Variants in CFAP54 observed in about 807,000 individuals in gnomAD.
CFAP54 encodes the protein cilia and flagella associated protein 54.
CFAP54 carries 290 observed loss-of-function variants against 370.4 expected under a neutral mutation model. The ratio of observed to expected loss-of-function variants is 0.78; its 90% CI spans 0.71 to 0.86. The LOEUF is 0.86. CFAP54 is among the 40% of genes least tolerant of loss of function. The pLI is 0.00. For synonymous variants in CFAP54, 1,206 were observed against 1,236.5 expected, an observed-to-expected ratio of 0.98 and a Z score of 0.52; for missense variants, 3,399 against 3,528.7, an observed-to-expected ratio of 0.96 and a Z score of 0.93.
chr12:96,873,222 T>G (rs1414017789), intron 67 of CFAP54, among the ~76,000 whole-genome samples: 1 of 152,110 alleles, frequency 6.6e-6, no homozygotes, highest in African/African-American at 2.4e-5. Context: ...ATGGGAATAG[T>G]TTTAGACTTT....
intron 26 of CFAP54, among the ~76,000 whole-genome samples, chr12:96,615,780 C>T (rs1399328725): frequency 3.9e-5 from 6 of 152,168 alleles, no homozygotes; most frequent in South Asian, 4.1e-4. Flanking sequence ...CATCACTGGC[C>T]ATCAGAGAAA....
chr12:96,656,410 T>A (rs1956923893), intron 36 of CFAP54, among the ~76,000 whole-genome samples: 1 of 151,674 alleles, frequency 6.6e-6, no homozygotes, highest in Admixed American at 6.6e-5. Context: ...GGAGTTTTGC[T>A]CTTGTTGCCC....
intron 5 of CFAP54, among the ~76,000 whole-genome samples, chr12:96,513,718 G>A (rs1286519887): frequency 6.6e-6 from 1 of 152,068 alleles, no homozygotes; most frequent in African/African-American, 2.4e-5. Context: ...ACTCTAGCCT[G>A]GGTGACAGAG....
At chr12:96,691,094 T>C in intron 43 of CFAP54, 34 bp from the exon 44 acceptor site, 4 of 1,588,958 alleles carry the variant, frequency 2.5e-6, no homozygotes, top group Non-Finnish European at 1.7e-6. Flanking sequence ...ATGCTATCTA[T>C]AGCTCTTTAT....
intron 34 of CFAP54, 121 bp from the exon 35 acceptor site, chr12:96,649,770 T>C: frequency 1.6e-6 from 1 of 620,432 alleles, no homozygotes; most frequent in Non-Finnish European, 2.6e-6. Context: ...GTCTTGTCCT[T>C]TCTCCAAGTT....
At chr12:96,789,476 T>C (rs979563308) in intron 62 of CFAP54, among the ~76,000 whole-genome samples, 2 of 152,210 alleles carry the variant, frequency 1.3e-5, no homozygotes, top group Non-Finnish European at 2.9e-5. Flanking sequence ...TCAGGCATTT[T>C]GGAGTAGGGG....
intron 60 of CFAP54, among the ~76,000 whole-genome samples, chr12:96,772,913 T>A (rs1441447073): frequency 6.6e-6 from 1 of 152,076 alleles, no homozygotes; most frequent in Non-Finnish European, 1.5e-5. Flanking sequence ...CCTGGACTGG[T>A]CTGCAATCTT....
intron 63 of CFAP54, among the ~76,000 whole-genome samples, chr12:96,809,826 G>A (rs1398890451): frequency 1.3e-5 from 2 of 152,156 alleles, no homozygotes; most frequent in Admixed American, 6.6e-5. Context: ...TGACATATCA[G>A]TTTCCCCAAA....
intron 26 of CFAP54, among the ~76,000 whole-genome samples, chr12:96,599,315 A>G (rs939563435): frequency 5.3e-5 from 8 of 152,112 alleles, no homozygotes; most frequent in African/African-American, 1.9e-4. Flanking sequence ...AGCTTCATCC[A>G]TGTCCCTGCA....
intron 20 of CFAP54, among the ~76,000 whole-genome samples, chr12:96,579,307 G>A (rs1956009316): frequency 6.6e-6 from 1 of 151,820 alleles, no homozygotes; most frequent in South Asian, 2.1e-4. Context: ...CCTGAGAAAT[G>A]TTCTTTGGAA....
intron 4 of CFAP54, among the ~76,000 whole-genome samples, chr12:96,508,470 C>G (rs1331886664): frequency 6.6e-6 from 1 of 151,496 alleles, no homozygotes; most frequent in Non-Finnish European, 1.5e-5. Flanking sequence ...ATTTTTAGTA[C>G]AGACGGGTTT....
intron 58 of CFAP54, among the ~76,000 whole-genome samples, chr12:96,762,219 T>C (rs1958347360): frequency 6.6e-6 from 1 of 152,232 alleles, no homozygotes; most frequent in African/African-American, 2.4e-5. Context: ...ATCGCTAGTA[T>C]ATAAAAATAC....
At chr12:96,806,893 G>A in intron 63 of CFAP54, among the ~76,000 whole-genome samples, 1 of 152,136 alleles carries the variant, frequency 6.6e-6, no homozygotes. Flanking sequence ...CTGAGAACCA[G>A]CAGCACTAGC....
chr12:96,608,821 A>G (rs1211733262), intron 26 of CFAP54, among the ~76,000 whole-genome samples: 1 of 152,198 alleles, frequency 6.6e-6, no homozygotes, highest in Non-Finnish European at 1.5e-5. Context: ...AATAAGAGAG[A>G]GAAAACAGGA....
At chr12:96,648,118 C>T in intron 34 of CFAP54, 101 bp downstream of exon 34, 3 of 822,084 alleles carry the variant, frequency 3.6e-6, no homozygotes, top group Non-Finnish European at 5.0e-6. Flanking sequence ...ATGTATACAC[C>T]CAGTTTTCCA....
In CFAP54 at chr12:96,685,084, G is replaced by A. The variant is rs764319587; in HGVS notation, c.5860G>A (p.Val1954Met). Residue 1954 changes from valine (V) to methionine (M), a missense_variant, in exon 42 of 68, where the codon GTG becomes ATG. Physicochemically the swap from Val to Met is conservative, Grantham distance 21 (BLOSUM62 1). Transcript: ENST00000524981. ...TGATGACATATTCAGAAAACCAGAC[G>A]TGCTACACACGTGGAAAGAATTTGG... is the stretch of plus-strand genomic sequence containing the variant. The part of the protein sequence containing the change: ...ALDDIFRKPD[V>M]LHTWKEFGPS... 1.7e-5 allele frequency: 27 copies of A among 1,613,962 alleles called. No homozygotes were observed. Among genetic ancestry groups the A allele is most frequent in the African/African-American group, 2.7e-5 (2 of 74,916 alleles).
chr12:96,658,532 G>A (rs1291783851), intron 38 of CFAP54, among the ~76,000 whole-genome samples, 186 bp downstream of exon 38: 1 of 152,146 alleles, frequency 6.6e-6, no homozygotes, highest in Non-Finnish European at 1.5e-5. Flanking sequence ...CAGGAACTAA[G>A]TCCCTGTCCA....
chr12:96,799,303 G>C (rs1244495437), intron 63 of CFAP54, among the ~76,000 whole-genome samples: 1 of 152,194 alleles, frequency 6.6e-6, no homozygotes, highest in African/African-American at 2.4e-5. Flanking sequence ...CTTTGTGTAA[G>C]AAGAGCCTCA....
chr12:96,861,451 T>G (rs1318050891), intron 67 of CFAP54, among the ~76,000 whole-genome samples: 1 of 152,178 alleles, frequency 6.6e-6, no homozygotes, highest in Non-Finnish European at 1.5e-5. Flanking sequence ...TGAAAAACCC[T>G]CAATTAAACC....
Sources: gnomAD v4.1 joint callset for allele counts (sites outside exome capture counted in the v4.1 genomes callset) on GRCh38, gnomAD v4.1.1 for gene constraint, MANE v1.5 for transcripts, NCBI Gene and HGNC (gene_info 2026-07-23, HGNC 2026-07-21) for gene names.